GPHN: variants seen among roughly 807,000 people sequenced by gnomAD.
GPHN encodes gephyrin.
In GPHN, 17 loss-of-function variants were observed where a neutral mutation model predicts 95.5. That is an observed-to-expected ratio of 0.18 (90% CI 0.12 to 0.27). The LOEUF is 0.27. Among genes scored for constraint, GPHN ranks in the 10% least tolerant of loss-of-function variants. The probability of loss-of-function intolerance (pLI) is 1.00; values close to 1 mark genes in which losing one functional copy is unlikely to be tolerated. For missense variants in GPHN, 660 were observed against 978.1 expected, an observed-to-expected ratio of 0.67 and a Z score of 4.34; for synonymous variants, 320 against 322.5, an observed-to-expected ratio of 0.99 and a Z score of 0.08.
chr14:67,414,434 G>C, the GPHN span, among the ~76,000 whole-genome samples: 1 of 152,252 alleles, frequency 6.6e-6, no homozygotes, highest in Non-Finnish European at 1.5e-5. Flanking sequence ...GAAGAGGATG[G>C]AGACAGAAGG....
rs949094755 is a variant in GPHN at position 66,926,699 on chromosome 14, G to A, written c.828+2407G>A. Among the ~76,000 whole-genome samples the A allele has an allele frequency of 5.3e-5, 8 of 151,942 alleles. No homozygotes were observed. In the East Asian group the frequency reaches 1.5e-3, roughly 29 times the overall value. On this transcript the variant is annotated intron_variant, in intron 8 of 22. Coordinates refer to ENST00000478722, the MANE Select transcript of GPHN (RefSeq NM_020806.5). ...CAGGTAGTGTGATTCTTCCAGTTTT[G>A]TTTTTATTTTTGCTTAGGATAGCTT...
the GPHN span, among the ~76,000 whole-genome samples, chr14:67,549,618 T>G: frequency 6.6e-6 from 1 of 152,180 alleles, no homozygotes; most frequent in East Asian, 1.9e-4. Flanking sequence ...GCTGCCCTCC[T>G]GCTCACCATA....
At chr14:66,616,599 G>T (rs1262616501) in intron 1 of GPHN, among the ~76,000 whole-genome samples, 2 of 152,064 alleles carry the variant, frequency 1.3e-5, no homozygotes, top group Non-Finnish European at 2.9e-5. Context: ...CCTTCTTCTG[G>T]GATCTCTGAC....
chr14:67,295,607 A>G, the GPHN span, among the ~76,000 whole-genome samples: 1 of 152,226 alleles, frequency 6.6e-6, no homozygotes, highest in Non-Finnish European at 1.5e-5. Context: ...CAATGAAAAG[A>G]TAACTAGGCA....
chr14:66,597,461 C>T (rs2062031479), intron 1 of GPHN, among the ~76,000 whole-genome samples: 1 of 152,162 alleles, frequency 6.6e-6, no homozygotes. Flanking sequence ...AGCACTGCCC[C>T]AAGCGTGCAC....
At position 66,759,284 on chromosome 14, in the gene GPHN, C is replaced by T. The variant is rs151207852; in HGVS notation, c.144-17180C>T. Among the ~76,000 whole-genome samples the T allele has an allele frequency of 2.1e-3, 318 of 152,168 alleles. 1 individual carries two copies. Among genetic ancestry groups the T allele is most frequent in the African/African-American group, 7.2e-3 (298 of 41,508 alleles). On this transcript the variant is annotated intron_variant, in intron 2 of 22. Transcript: ENST00000478722. Reference sequence around the variant, plus strand: ...TTAGAAAGTGACATTCTTTACTCACCACAGGTTAGGAACCCTGTATAGGGA... The same window carrying T: ...TTAGAAAGTGACATTCTTTACTCACTACAGGTTAGGAACCCTGTATAGGGA...
chr14:67,676,125 C>T, the GPHN span, among the ~76,000 whole-genome samples: 4 of 152,060 alleles, frequency 2.6e-5, no homozygotes, highest in African/African-American at 9.7e-5. Context: ...TTATTTTCAC[C>T]GATTTCACGG....
intron 1 of GPHN, among the ~76,000 whole-genome samples, chr14:66,555,786 G>A (rs1386146529): frequency 6.6e-6 from 1 of 151,894 alleles, no homozygotes; most frequent in Non-Finnish European, 1.5e-5. Flanking sequence ...CTAAAGTTTT[G>A]AGACTTTAAA....
intron 15 of GPHN, among the ~76,000 whole-genome samples, chr14:67,112,678 T>C (rs1284841671): frequency 1.3e-5 from 2 of 152,198 alleles, no homozygotes; most frequent in Non-Finnish European, 2.9e-5. Flanking sequence ...TCAAAGAAAG[T>C]TTACAATTGG....
chr14:66,626,278 A>G (rs1450065608), intron 1 of GPHN, among the ~76,000 whole-genome samples: 4 of 152,194 alleles, frequency 2.6e-5, no homozygotes, highest in Admixed American at 2.0e-4. Context: ...ATATAAGTGC[A>G]TAAAAGTTAT....
At chr14:67,618,011 G>A in the GPHN span, among the ~76,000 whole-genome samples, 2 of 152,230 alleles carry the variant, frequency 1.3e-5, no homozygotes, top group African/African-American at 2.4e-5. Flanking sequence ...GAGCCACCGC[G>A]CCCAGCGGAA....
chr14:66,680,501 T>A lies in GPHN; in HGVS notation c.65-606T>A, dbSNP rs567710658. Among the ~76,000 whole-genome samples, 11 of 150,694 alleles carry A rather than the reference T, an allele frequency of 7.3e-5. No homozygotes were observed. In the South Asian group the frequency reaches 2.1e-3, roughly 28 times the overall value. ...CAAATTTTTCAGGGAGAAAACTGTC[T>A]GTAATTTTGGACTTCATCAGATTCC... is the stretch of plus-strand genomic sequence containing the variant. On this transcript the variant is annotated intron_variant, in intron 1 of 22. Transcript: ENST00000478722.
chr14:67,175,510 G>A (rs185235006), intron 21 of GPHN, among the ~76,000 whole-genome samples: 6 of 152,240 alleles, frequency 3.9e-5, no homozygotes, highest in African/African-American at 9.6e-5. Context: ...GTCAGGTAGC[G>A]TGATGCCTCC....
At chr14:67,174,849 CAT>C (rs534331078) in intron 21 of GPHN, among the ~76,000 whole-genome samples, 160 of 152,314 alleles carry the variant, frequency 1.1e-3, no homozygotes, top group Non-Finnish European at 1.9e-3. Context: ...AGCATTTTTT[CAT>C]ATGTCTATTG....
chr14:67,223,069 G>T, the GPHN span, among the ~76,000 whole-genome samples: 1 of 134,460 alleles, frequency 7.4e-6, no homozygotes, highest in Non-Finnish European at 1.5e-5. Flanking sequence ...GCACAATCTT[G>T]GCTCACTGCA....
chr14:66,923,025 A>C, intron 7 of GPHN, 87 bp downstream of exon 7: 2 of 1,078,938 alleles, frequency 1.9e-6, no homozygotes, highest in Non-Finnish European at 2.8e-6. Context: ...ATCCCTCCCT[A>C]CATTTAATAC....
the GPHN span, among the ~76,000 whole-genome samples, chr14:67,344,827 GC>G: frequency 1.3e-5 from 2 of 151,514 alleles, no homozygotes; most frequent in African/African-American, 2.4e-5. Context: ...GCTGCAGTTA[GC>G]CAAGATCGCA....
At chr14:66,757,960 A>G (rs1425112141) in intron 2 of GPHN, among the ~76,000 whole-genome samples, 5 of 152,136 alleles carry the variant, frequency 3.3e-5, no homozygotes, top group Non-Finnish European at 7.4e-5. Context: ...TGTGGTGGGG[A>G]GGGGTGTTTC....
chr14:66,711,745 C>T (rs1333152976), intron 2 of GPHN, among the ~76,000 whole-genome samples: 1 of 151,608 alleles, frequency 6.6e-6, no homozygotes, highest in Non-Finnish European at 1.5e-5. Flanking sequence ...CCCCCAGCCC[C>T]CTACCCCCCC....
Sources: gnomAD v4.1 joint callset for allele counts (sites outside exome capture counted in the v4.1 genomes callset) on GRCh38, gnomAD v4.1.1 for gene constraint, MANE v1.5 for transcripts, NCBI Gene and HGNC (gene_info 2026-07-23, HGNC 2026-07-21) for gene names.